ASIC2: variants seen among roughly 807,000 people sequenced by gnomAD.
ASIC2 encodes the protein acid-sensing ion channel 2.
A neutral mutation model predicts 57.3 loss-of-function variants in ASIC2; 25 were observed. The observed-to-expected ratio is 0.44, with a 90% CI of 0.32 to 0.61. The LOEUF (loss-of-function observed/expected upper bound fraction) is 0.61. ASIC2 is among the 20% of genes least tolerant of loss of function. ASIC2 has a pLI of 0.06. For synonymous variants in ASIC2, 319 were observed against 307.5 expected, an observed-to-expected ratio of 1.04 and a Z score of -0.39; for missense variants, 641 against 738.1, an observed-to-expected ratio of 0.87 and a Z score of 1.52.
At chr17:33,791,144 C>T (rs1304913903) in intron 1 of ASIC2, among the ~76,000 whole-genome samples, 5 of 152,022 alleles carry the variant, frequency 3.3e-5, no homozygotes, top group South Asian at 2.1e-4. Flanking sequence ...TCAGGAGTCA[C>T]GAACAATGAG....
Position 33,481,457 on chromosome 17 carries a change from C to G in ASIC2, c.556-369390G>C, listed in dbSNP as rs561529539. ...CTTTTTCACCTTTGTCTTTGTTGAC[C>G]TGTGCTCTGCATCCCAATGTTTCCT... is the stretch of plus-strand genomic sequence containing the variant. On this transcript the variant is annotated intron_variant, in intron 1 of 9. Coordinates refer to the ASIC2 transcript ENST00000359872. Among the ~76,000 whole-genome samples, 71 of 152,284 alleles carry G rather than the reference C, an allele frequency of 4.7e-4. No individual in the cohort carries two copies. In the South Asian group the frequency reaches 0.011, roughly 24 times the overall value.
At chr17:33,745,183 G>T (rs914312682) in intron 1 of ASIC2, among the ~76,000 whole-genome samples, 2 of 152,048 alleles carry the variant, frequency 1.3e-5, no homozygotes, top group Non-Finnish European at 2.9e-5. Context: ...CCCCAGTTCC[G>T]CCTGATGAAA....
chr17:34,094,648 T>C (rs1451987092), intron 1 of ASIC2, among the ~76,000 whole-genome samples: 1 of 152,228 alleles, frequency 6.6e-6, no homozygotes, highest in Non-Finnish European at 1.5e-5. Flanking sequence ...GAAAAGGTTA[T>C]CTAGCTCAAC....
chr17:33,637,369 G>T (rs1402675821), intron 1 of ASIC2, among the ~76,000 whole-genome samples: 1 of 152,034 alleles, frequency 6.6e-6, no homozygotes, highest in African/African-American at 2.4e-5. Flanking sequence ...GCACCTCCAA[G>T]CTCCCCACCC....
intron 1 of ASIC2, among the ~76,000 whole-genome samples, chr17:33,369,161 A>T (rs917972818): frequency 6.6e-6 from 1 of 152,198 alleles, no homozygotes; most frequent in Admixed American, 6.5e-5. Context: ...AAAGATCTCA[A>T]ATTGCTGATA....
intron 1 of ASIC2, among the ~76,000 whole-genome samples, chr17:33,413,189 C>T (rs1165830667): frequency 6.6e-6 from 1 of 152,142 alleles, no homozygotes; most frequent in East Asian, 1.9e-4. Context: ...AAATCAGGAG[C>T]TCTGACTCAG....
chr17:33,448,733 G>A (rs1912133335), intron 1 of ASIC2, among the ~76,000 whole-genome samples: 1 of 152,230 alleles, frequency 6.6e-6, no homozygotes, highest in Non-Finnish European at 1.5e-5. Flanking sequence ...CTATATTTCT[G>A]TTGTTTAAGC....
intron 1 of ASIC2, among the ~76,000 whole-genome samples, chr17:33,973,732 A>T (rs1905287670): frequency 6.6e-6 from 1 of 152,170 alleles, no homozygotes; most frequent in South Asian, 2.1e-4. Flanking sequence ...CATCGTTTAC[A>T]CACAGGCTTA....
chr17:34,053,441 T>C (rs74742343), intron 1 of ASIC2, among the ~76,000 whole-genome samples: 2,427 of 152,262 alleles, frequency 0.016, 64 homozygotes, highest in East Asian at 0.059. Context: ...TTGAAAAAGA[T>C]CAAATCATTT....
At chr17:34,011,003 C>CACACACACACAG (rs754792304) in intron 1 of ASIC2, among the ~76,000 whole-genome samples, 7 of 58,856 alleles carry the variant, frequency 1.2e-4, no homozygotes, top group African/African-American at 3.3e-4. Flanking sequence ...GTCAGACACA[C>CACACACACACAG]ACACACACAG....
chr17:33,826,068 G>A (rs1912899472), intron 1 of ASIC2, among the ~76,000 whole-genome samples: 1 of 152,192 alleles, frequency 6.6e-6, no homozygotes, highest in Admixed American at 6.5e-5. Context: ...GTTGAATTAT[G>A]ATGATTCTCT....
intron 1 of ASIC2, among the ~76,000 whole-genome samples, chr17:34,032,218 A>C (rs1907647139): frequency 6.6e-6 from 1 of 152,196 alleles, no homozygotes. Flanking sequence ...CAACATTCTT[A>C]AAGAAAAGAA....
chr17:33,188,351 A>C (rs60859242), intron 1 of ASIC2, among the ~76,000 whole-genome samples: 39,918 of 151,982 alleles, frequency 0.26, 7,556 homozygotes, highest in African/African-American at 0.52. Flanking sequence ...CCTAATAGTC[A>C]TGTGGTTGGA....
chr17:33,484,032 G>A (rs1913499192), intron 1 of ASIC2, among the ~76,000 whole-genome samples: 1 of 152,152 alleles, frequency 6.6e-6, no homozygotes, highest in Admixed American at 6.5e-5. Flanking sequence ...GGGCAACGGG[G>A]AGAAGCTGAA....
At chr17:33,074,206 G>A (rs2092080455) in intron 3 of ASIC2, among the ~76,000 whole-genome samples, 1 of 152,104 alleles carries the variant, frequency 6.6e-6, no homozygotes, top group Admixed American at 6.5e-5. Context: ...AGGTGCTATG[G>A]GTTATGTTTT....
chr17:33,320,241 T>C (rs1161827721), intron 1 of ASIC2, among the ~76,000 whole-genome samples: 1 of 152,180 alleles, frequency 6.6e-6, no homozygotes, highest in Non-Finnish European at 1.5e-5. Flanking sequence ...CTTGTAAATT[T>C]TGAGGTATTT....
chr17:34,087,907 T>C (rs1265003718), intron 1 of ASIC2, among the ~76,000 whole-genome samples: 1 of 152,206 alleles, frequency 6.6e-6, no homozygotes. Flanking sequence ...CTTTAATCAC[T>C]TCTCTGTATT....
intron 1 of ASIC2, among the ~76,000 whole-genome samples, chr17:33,439,019 T>C (rs1013439959): frequency 6.6e-6 from 1 of 152,154 alleles, no homozygotes; most frequent in Non-Finnish European, 1.5e-5. Context: ...AATTTTTGTA[T>C]TTTTAGTAGA....
At chr17:33,402,658 G>T (rs949579786) in intron 1 of ASIC2, among the ~76,000 whole-genome samples, 10 of 152,184 alleles carry the variant, frequency 6.6e-5, no homozygotes, top group African/African-American at 2.4e-4. Context: ...TGGTGTATAT[G>T]TACCACATTG....
Sources: gnomAD v4.1 joint callset for allele counts (sites outside exome capture counted in the v4.1 genomes callset) on GRCh38, gnomAD v4.1.1 for gene constraint, MANE v1.5 for transcripts, NCBI Gene and HGNC (gene_info 2026-07-23, HGNC 2026-07-21) for gene names.